C1orf141: variants seen among roughly 807,000 people sequenced by gnomAD.
C1orf141 encodes uncharacterized protein C1orf141.
C1orf141 carries 19 observed loss-of-function variants against 23.2 expected under a neutral mutation model. That is an observed-to-expected ratio of 0.82 (90% confidence interval 0.57 to 1.20). C1orf141 has a LOEUF of 1.20. C1orf141 is among the 50% of genes most tolerant of loss of function. C1orf141 has a pLI of 0.00. For missense variants in C1orf141, 469 were observed against 455.1 expected, an observed-to-expected ratio of 1.03 and a Z score of -0.28; for synonymous variants, 153 against 154.6, an observed-to-expected ratio of 0.99 and a Z score of 0.08.
intron 5 of C1orf141, among the ~76,000 whole-genome samples, chr1:67,101,708 G>A (rs1343227531): frequency 6.6e-6 from 1 of 151,866 alleles, no homozygotes; most frequent in Non-Finnish European, 1.5e-5. Context: ...TTCTTTTTGT[G>A]TTATTCATTT....
upstream of C1orf141, among the ~76,000 whole-genome samples, chr1:67,137,067 G>A (rs934711396): frequency 6.6e-6 from 1 of 152,108 alleles, no homozygotes; most frequent in African/African-American, 2.4e-5. Flanking sequence ...AATAAAATCT[G>A]CAGACTTTTT....
chr1:67,101,971 T>A (rs1244083089), intron 5 of C1orf141, among the ~76,000 whole-genome samples: 1 of 152,128 alleles, frequency 6.6e-6, no homozygotes, highest in East Asian at 1.9e-4. Context: ...AGTTCTTTTT[T>A]ACCCTTCTTT....
chr1:67,114,551 G>A (rs1306141617), intron 5 of C1orf141, among the ~76,000 whole-genome samples: 1 of 152,210 alleles, frequency 6.6e-6, no homozygotes. Flanking sequence ...AGTTAAGAAG[G>A]TTGATGAGAA....
At chr1:67,126,041 T>A in intron 3 of C1orf141, 132 bp from the exon 4 acceptor site, 1 of 1,016,418 alleles carries the variant, frequency 9.8e-7, no homozygotes, top group Non-Finnish European at 1.4e-6. Flanking sequence ...CAGGCAATAA[T>A]GGAAAAATAG....
At position 67,092,552 on chromosome 1, in the gene C1orf141, A is replaced by G. The variant is rs540835144; in HGVS notation, c.*453T>C. ...TTGCATAAATTGCTAATGTAATACTATTGATGATGATTTGCTGAAATGCTG... is the reference window on the plus strand; with the variant it reads ...TTGCATAAATTGCTAATGTAATACTGTTGATGATGATTTGCTGAAATGCTG... On this transcript the variant is annotated 3_prime_UTR_variant, in exon 8 of 8. Coordinates refer to ENST00000684719, the MANE Select transcript of C1orf141 (RefSeq NM_001276351.2). 6.5e-6 allele frequency: 1 copy of G among 153,216 alleles called. No homozygotes were observed. The highest frequency in any genetic ancestry group is 2.4e-5 in the African/African-American group (1 of 41,576). The allele number at this position is 153,216 out of a possible 1,614,324, so 9.5% of individuals were successfully genotyped here.
At chr1:67,111,661 A>G (rs1457497316) in intron 5 of C1orf141, 5 of 1,214,738 alleles carry the variant, frequency 4.1e-6, no homozygotes, top group Non-Finnish European at 5.6e-6. Flanking sequence ...AAACAAACAT[A>G]AGTATTTCCA....
chr1:67,125,697 C>A, intron 4 of C1orf141, 55 bp downstream of exon 4: 1 of 1,538,034 alleles, frequency 6.5e-7, no homozygotes, highest in South Asian at 1.1e-5. Flanking sequence ...GTCCTTGTTT[C>A]ACAAACAAAC....
chr1:67,120,624 G>T (rs905264749), intron 4 of C1orf141, among the ~76,000 whole-genome samples: 1 of 152,026 alleles, frequency 6.6e-6, no homozygotes, highest in Non-Finnish European at 1.5e-5. Context: ...CATGAGAGAG[G>T]TGCTATCTGT....
At chr1:67,116,436 A>C (rs540445770) in intron 4 of C1orf141, among the ~76,000 whole-genome samples, 17 of 151,522 alleles carry the variant, frequency 1.1e-4, no homozygotes, top group Non-Finnish European at 2.5e-4. Flanking sequence ...CCCCTTCCCT[A>C]TGTCTCTAGC....
chr1:67,105,007 C>T (rs1260369766), intron 5 of C1orf141, among the ~76,000 whole-genome samples: 3 of 152,108 alleles, frequency 2.0e-5, no homozygotes, highest in Non-Finnish European at 4.4e-5. Context: ...AATAAAACTA[C>T]ATAAAGATAA....
chr1:67,132,640 A>G (rs553071319), intron 1 of C1orf141, among the ~76,000 whole-genome samples: 1 of 152,236 alleles, frequency 6.6e-6, no homozygotes, highest in East Asian at 1.9e-4. Flanking sequence ...AGCGTTTTAC[A>G]TCTAACGGGG....
At chr1:67,097,930 G>A (rs920082967) in intron 5 of C1orf141, among the ~76,000 whole-genome samples, 2 of 152,174 alleles carry the variant, frequency 1.3e-5, no homozygotes, top group Non-Finnish European at 1.5e-5. Flanking sequence ...CTGAAACAAG[G>A]TGCTGGGTTA....
chr1:67,103,507 T>G (rs1645853202), intron 5 of C1orf141: 1 of 502,108 alleles, frequency 2.0e-6, no homozygotes, highest in Non-Finnish European at 3.2e-6. Flanking sequence ...AGCTGTCTGG[T>G]TCTTTAAATA....
chr1:67,127,498 G>A (rs890781294), intron 2 of C1orf141, among the ~76,000 whole-genome samples: 4 of 152,050 alleles, frequency 2.6e-5, no homozygotes, highest in Admixed American at 6.5e-5. Context: ...ATAAAGGTGA[G>A]GGGGAGAAAG....
At chr1:67,120,159 G>A (rs543402027) in intron 4 of C1orf141, among the ~76,000 whole-genome samples, 1 of 152,328 alleles carries the variant, frequency 6.6e-6, no homozygotes, top group African/African-American at 2.4e-5. Context: ...TTCAGGACCT[G>A]TCATTTCTCC....
intron 1 of C1orf141, among the ~76,000 whole-genome samples, chr1:67,140,298 CAT>C (rs1646624700): frequency 6.6e-6 from 1 of 151,960 alleles, no homozygotes; most frequent in Admixed American, 6.6e-5. Context: ...CAAAAAAAGT[CAT>C]TAAAAATGTA....
At chr1:67,096,107 C>A in intron 6 of C1orf141, 145 bp downstream of exon 6, 2 of 489,002 alleles carry the variant, frequency 4.1e-6, no homozygotes, top group Admixed American at 4.1e-5. Flanking sequence ...TATCTAGTGG[C>A]TAAGCAGTCT....
chr1:67,093,134 G>C lies in C1orf141; in HGVS notation c.1074C>G (p.Ser358Arg). ...ERMFSAGKPT[S>R]IPTSSALPVK... Reference sequence around the variant, plus strand: ...CAGGTAAGGCACTGGATGTGGGTATGCTCGTTGGTTTTCCTGCAGAAAACA... The same window carrying C: ...CAGGTAAGGCACTGGATGTGGGTATCCTCGTTGGTTTTCCTGCAGAAAACA... Residue 358 changes from serine to arginine, a missense_variant, in exon 8 of 8, where the codon AGC becomes AGG. This residue lies in a region of C1orf141 where 370 missense variants were observed against 348.1 expected (regional missense o/e 1.06). Transcript: ENST00000684719. 2 of 1,613,954 alleles carry C rather than the reference G, an allele frequency of 1.2e-6. No individual in the cohort carries two copies. The highest frequency in any genetic ancestry group is 1.1e-5 in the South Asian group (1 of 91,066).
At chr1:67,120,034 G>T (rs1646268662) in intron 4 of C1orf141, among the ~76,000 whole-genome samples, 1 of 152,188 alleles carries the variant, frequency 6.6e-6, no homozygotes, top group African/African-American at 2.4e-5. Context: ...GCCTGAGTGG[G>T]TTCTGGAGGC....
Sources: gnomAD v4.1 joint callset for allele counts (sites outside exome capture counted in the v4.1 genomes callset) on GRCh38, gnomAD v4.1.1 for gene constraint, gnomAD v4.1.1 regional missense constraint, MANE v1.5 for transcripts, NCBI Gene and HGNC (gene_info 2026-07-23, HGNC 2026-07-21) for gene names.